NLGN1: variants seen among roughly 807,000 people sequenced by gnomAD.
NLGN1 encodes the protein neuroligin-1.
NLGN1 carries 12 observed loss-of-function variants against 65.5 expected under a neutral mutation model. The observed-to-expected ratio is 0.18, with a 90% confidence interval of 0.12 to 0.30. NLGN1 has a LOEUF of 0.30. NLGN1 is among the 10% of genes least tolerant of loss of function. The pLI is 1.00. For missense variants in NLGN1, 750 were observed against 1,007.1 expected, an observed-to-expected ratio of 0.74 and a Z score of 3.46; for synonymous variants, 350 against 359.5, an observed-to-expected ratio of 0.97 and a Z score of 0.30.
chr3:173,881,914 C>T lies in NLGN1; in HGVS notation c.646+74082C>T, dbSNP rs1020697154. Among the ~76,000 whole-genome samples, 8 of 152,088 alleles carry T rather than the reference C, an allele frequency of 5.3e-5. No individual in the cohort carries two copies. The South Asian group carries it at 6.2e-4, about 12-fold the overall frequency. ...TCTAGAAGGTTTTTAATTTACTTTG[C>T]CCAGATTCGTCAGAAGAATCACTCT... On this transcript the variant is annotated intron_variant, in intron 4 of 6. Transcript: ENST00000457714.
chr3:173,506,551 T>G (rs1449172198), intron 2 of NLGN1, among the ~76,000 whole-genome samples: 1 of 152,074 alleles, frequency 6.6e-6, no homozygotes, highest in African/African-American at 2.4e-5. Flanking sequence ...TACAGGCATT[T>G]TAAAATATTA....
intron 4 of NLGN1, among the ~76,000 whole-genome samples, chr3:174,212,088 G>C (rs1307225587): frequency 1.3e-5 from 2 of 152,182 alleles, no homozygotes; most frequent in Non-Finnish European, 2.9e-5. Flanking sequence ...GCTCAGGCAT[G>C]GCGGGCTGCA....
intron 4 of NLGN1, among the ~76,000 whole-genome samples, chr3:174,020,458 C>T (rs367955322): frequency 2.0e-5 from 3 of 151,934 alleles, no homozygotes; most frequent in South Asian, 4.2e-4. Flanking sequence ...TTACTTCTTA[C>T]TTTATATTTT....
At chr3:173,924,537 C>T (rs953138486) in intron 4 of NLGN1, among the ~76,000 whole-genome samples, 1 of 151,612 alleles carries the variant, frequency 6.6e-6, no homozygotes, top group Admixed American at 6.6e-5. Context: ...GTATGAGAAT[C>T]CCTTGAGCCC....
intron 4 of NLGN1, among the ~76,000 whole-genome samples, chr3:174,138,052 G>A (rs1721543577): frequency 6.6e-6 from 1 of 152,116 alleles, no homozygotes; most frequent in African/African-American, 2.4e-5. Context: ...AATTCTGTTT[G>A]TTATTCTATA....
chr3:173,510,790 C>T (rs747850852), intron 2 of NLGN1, among the ~76,000 whole-genome samples: 40 of 152,162 alleles, frequency 2.6e-4, no homozygotes, highest in Non-Finnish European at 5.6e-4. Context: ...AGAGTTTTTC[C>T]TTTCACAAAT....
At chr3:174,202,430 C>T (rs571716895) in intron 4 of NLGN1, among the ~76,000 whole-genome samples, 2 of 151,744 alleles carry the variant, frequency 1.3e-5, no homozygotes, top group East Asian at 3.9e-4. Flanking sequence ...CTACTTTATT[C>T]CTGAGCGTCA....
intron 4 of NLGN1, among the ~76,000 whole-genome samples, chr3:174,064,476 T>C (rs540585236): frequency 9.9e-5 from 15 of 151,834 alleles, no homozygotes; most frequent in Non-Finnish European, 1.9e-4. Context: ...CTCCACTACT[T>C]ACTAGCTGTG....
At chr3:174,042,064 A>C (rs1476448030) in intron 4 of NLGN1, among the ~76,000 whole-genome samples, 2 of 152,124 alleles carry the variant, frequency 1.3e-5, no homozygotes, top group Non-Finnish European at 1.5e-5. Context: ...CAAAAAAAAA[A>C]CATTAGATTA....
In NLGN1 at chr3:173,762,829, A is replaced by T. The variant is rs548565978; in HGVS notation, c.494-44851A>T. Among the ~76,000 whole-genome samples the T allele has an allele frequency of 2.6e-5, 4 of 152,138 alleles. No homozygotes were observed. The East Asian group carries it at 7.7e-4, about 29-fold the overall frequency. On this transcript the variant is annotated intron_variant, in intron 3 of 6. Coordinates refer to ENST00000457714, the Ensembl canonical transcript of NLGN1. ...ATTGGAGCAGATTAGGAAATATAAA[A>T]GGAGGAAGAGGGAGAAAGGGTTAAA...
intron 3 of NLGN1, among the ~76,000 whole-genome samples, chr3:173,756,327 A>G (rs1560306615): frequency 6.6e-6 from 1 of 151,980 alleles, no homozygotes; most frequent in African/African-American, 2.4e-5. Flanking sequence ...TTCTCTTCAA[A>G]TACATATGTA....
At chr3:174,233,515 T>TAAG (rs1405073942) in intron 4 of NLGN1, among the ~76,000 whole-genome samples, 1 of 103,886 alleles carries the variant, frequency 9.6e-6, no homozygotes, top group Non-Finnish European at 2.2e-5. Context: ...ATAATAATAA[T>TAAG]AATATAAAAA....
intron 3 of NLGN1, among the ~76,000 whole-genome samples, chr3:173,651,091 C>T (rs942570904): frequency 3.3e-5 from 5 of 151,886 alleles, no homozygotes; most frequent in African/African-American, 1.2e-4. Flanking sequence ...TCCCACCCTC[C>T]TACCCCTCCA....
chr3:174,081,131 G>A (rs184055625), intron 4 of NLGN1, among the ~76,000 whole-genome samples: 73 of 152,100 alleles, frequency 4.8e-4, no homozygotes, highest in Non-Finnish European at 6.0e-4. Context: ...TACAAGTCAC[G>A]GAATACACTT....
chr3:173,465,292 A>T (rs1239053803), intron 2 of NLGN1, among the ~76,000 whole-genome samples: 6 of 152,288 alleles, frequency 3.9e-5, no homozygotes, highest in African/African-American at 1.4e-4. Flanking sequence ...CCAAATGAGC[A>T]ATCCACTTTA....
intron 2 of NLGN1, among the ~76,000 whole-genome samples, chr3:173,602,675 A>C (rs1750735779): frequency 6.6e-6 from 1 of 152,044 alleles, no homozygotes; most frequent in South Asian, 2.1e-4. Flanking sequence ...AATTAGGTTG[A>C]ATAAAACATG....
chr3:174,062,393 C>T (rs1737609398), intron 4 of NLGN1, among the ~76,000 whole-genome samples: 1 of 151,902 alleles, frequency 6.6e-6, no homozygotes, highest in South Asian at 2.1e-4. Flanking sequence ...TTTTTTTCTT[C>T]ATCAATACCA....
chr3:173,863,614 A>T (rs1351804870), intron 4 of NLGN1, among the ~76,000 whole-genome samples: 1 of 152,232 alleles, frequency 6.6e-6, no homozygotes, highest in Admixed American at 6.5e-5. Context: ...AGGAAAAAGG[A>T]GGATGTGCAC....
At chr3:174,070,342 T>C (rs940649934) in intron 4 of NLGN1, among the ~76,000 whole-genome samples, 2 of 151,920 alleles carry the variant, frequency 1.3e-5, no homozygotes, top group Non-Finnish European at 2.9e-5. Flanking sequence ...TTTGTGTTTT[T>C]TTTTTTTGAA....
Sources: allele counts gnomAD v4.1 joint callset (sites outside exome capture counted in the v4.1 genomes callset), GRCh38; gene constraint gnomAD v4.1.1; transcripts MANE v1.5; gene names NCBI Gene and HGNC (gene_info 2026-07-23, HGNC 2026-07-21).